The following PPEF2 variants were observed in gnomAD, a reference collection of about 807,000 sequenced individuals.
PPEF2 encodes the protein serine/threonine-protein phosphatase with EF-hands 2.
PPEF2 carries 84 observed loss-of-function variants against 84.7 expected under a neutral mutation model. The observed-to-expected ratio is 0.99, with a 90% CI of 0.83 to 1.19. PPEF2 has a LOEUF of 1.19. PPEF2 is among the 50% of genes most tolerant of loss of function. The pLI, the probability that PPEF2 is intolerant of heterozygous loss-of-function variation, is 0.00. For missense variants in PPEF2, 924 were observed against 937.5 expected (o/e 0.99, Z 0.19); for synonymous variants, 346 against 345.2 (o/e 1.00, Z -0.03).
chr4:75,882,878 T>A, intron 10 of PPEF2, 48 bp downstream of exon 10: 1 of 1,573,310 alleles, frequency 6.4e-7, no homozygotes, highest in Non-Finnish European at 8.7e-7. Context: ...ATATTGGCAA[T>A]GAAACTGGGC....
intron 11 of PPEF2, among the ~76,000 whole-genome samples, chr4:75,875,611 G>A (rs1304215480): frequency 6.6e-6 from 1 of 152,014 alleles, no homozygotes; most frequent in Non-Finnish European, 1.5e-5. Context: ...TTGTCTCAAA[G>A]AAAAACAAAA....
intron 5 of PPEF2, 52 bp from the exon 6 acceptor site, chr4:75,888,380 G>C: frequency 7.2e-7 from 1 of 1,385,946 alleles, no homozygotes; most frequent in Non-Finnish European, 1.0e-6. Flanking sequence ...TATTCGTGAG[G>C]GAAAATGGTC....
intron 10 of PPEF2, 35 bp downstream of exon 10, chr4:75,882,888 CATT>C: frequency 4.4e-6 from 7 of 1,586,976 alleles, no homozygotes; most frequent in Non-Finnish European, 6.0e-6. Context: ...TGAAACTGGG[CATT>C]ATGGTGAAAT....
chr4:75,871,358 C>A (rs1000144067), intron 13 of PPEF2, among the ~76,000 whole-genome samples: 8 of 152,128 alleles, frequency 5.3e-5, no homozygotes, highest in Non-Finnish European at 1.2e-4. Flanking sequence ...AGGGGTAACA[C>A]AAACCCGTTA....
intron 12 of PPEF2, among the ~76,000 whole-genome samples, chr4:75,872,530 G>A (rs1357905325): frequency 1.3e-5 from 2 of 152,188 alleles, no homozygotes; most frequent in Non-Finnish European, 2.9e-5. Flanking sequence ...AGTTCTGAGA[G>A]CTGATGTGGT....
rs143410196 is a variant in PPEF2 at position 75,891,943 on chromosome 4, G to T, written c.91C>A (p.Arg31=). The T allele has an allele frequency of 3.1e-6, 5 of 1,613,936 alleles. No homozygotes were observed. The African/African-American group carries it at 6.7e-5, about 22-fold the overall frequency. ...ATCTCCAGGCGGGCCACGTAGCGCC[G>T]GTACCATCTCTGGATCAGGGCTGCT... ...KAAALIQRWY[R]RYVARLEMRR... is the part of the protein sequence containing the mutation. The change falls in exon 3 of 17, where the codon CGG becomes AGG. Residue 31 remains arginine, a synonymous_variant. Coordinates refer to ENST00000286719, the MANE Select transcript of PPEF2 (RefSeq NM_006239.3).
chr4:75,900,158 G>A (rs1249649673), intron 1 of PPEF2, among the ~76,000 whole-genome samples: 1 of 152,188 alleles, frequency 6.6e-6, no homozygotes, highest in East Asian at 1.9e-4. Flanking sequence ...CTATTTCAAT[G>A]CTGCATGAAT....
Position 75,873,136 on chromosome 4 carries a change from G to A in PPEF2, c.1497C>T (p.His499=). 6.2e-7 allele frequency: 1 copy of A among 1,613,684 alleles called. No individual in the cohort carries two copies. The highest frequency in any genetic ancestry group is 8.5e-7 in the Non-Finnish European group (1 of 1,179,684). ...ECKPEGYEFC[H]NRKVLTIFSA... is the part of the protein sequence containing the mutation. ...CAGAGGGAGCACCCACCTTGCGGTT[G>A]TGACAGAATTCATAGCCTTCAGGTT... The change falls in exon 12 of 17, where the codon CAC becomes CAT. Residue 499 remains histidine, a synonymous_variant. Coordinates refer to ENST00000286719, the MANE Select transcript of PPEF2 (RefSeq NM_006239.3).
At chr4:75,897,132 C>A (rs140971647) in intron 1 of PPEF2, among the ~76,000 whole-genome samples, 1 of 152,040 alleles carries the variant, frequency 6.6e-6, no homozygotes. Flanking sequence ...GGATTACAGG[C>A]GTGAGCCACT....
chr4:75,888,035 G>C (rs1724774561), intron 6 of PPEF2, among the ~76,000 whole-genome samples, 179 bp downstream of exon 6: 2 of 152,296 alleles, frequency 1.3e-5, no homozygotes, highest in South Asian at 2.1e-4. Context: ...CCCCTTCGCT[G>C]CACCACCACC....
At chr4:75,899,884 C>A (rs1309853163) in intron 1 of PPEF2, among the ~76,000 whole-genome samples, 1 of 152,178 alleles carries the variant, frequency 6.6e-6, no homozygotes, top group East Asian at 1.9e-4. Context: ...ACATTGGTAA[C>A]TTGCCTGCAT....
chr4:75,876,855 A>C (rs777977900), intron 10 of PPEF2, among the ~76,000 whole-genome samples, 182 bp from the exon 11 acceptor site: 4 of 151,558 alleles, frequency 2.6e-5, no homozygotes, highest in African/African-American at 4.8e-5. Flanking sequence ...AAAATACAAA[A>C]AAATGAGCTG....
chr4:75,861,203 T>C (rs1335772512), intron 16 of PPEF2, among the ~76,000 whole-genome samples: 1 of 152,128 alleles, frequency 6.6e-6, no homozygotes, highest in Non-Finnish European at 1.5e-5. Context: ...TACTGGCATC[T>C]AATAAATAAA....
Position 75,876,596 on chromosome 4 carries a change from C to T in PPEF2, c.1011G>A (p.Lys337=), listed in dbSNP as rs905345059. The change falls in exon 11 of 17, where the codon AAG becomes AAA. Residue 337 remains lysine, a synonymous_variant. Coordinates refer to ENST00000286719, the MANE Select transcript of PPEF2 (RefSeq NM_006239.3). ...QMEEKRRANQ[K]SSAQGPIPWF... ...ATGGGATGGGTCCCTGTGCAGAGCT[C>T]TTCTGGTTGGCTCTTCTCTTCTCCT... 3 of 1,611,018 alleles carry T rather than the reference C, an allele frequency of 1.9e-6. No individual in the cohort carries two copies. The highest frequency in any genetic ancestry group is 3.4e-5 in the Admixed American group (2 of 59,448).
chr4:75,873,165 A>T lies in PPEF2; in HGVS notation c.1468T>A (p.Cys490Ser), dbSNP rs1201284718. The T allele has an allele frequency of 6.2e-7, 1 of 1,614,172 alleles. No homozygotes were observed. The highest frequency in any genetic ancestry group is 8.5e-7 in the Non-Finnish European group (1 of 1,180,020). The change falls in exon 12 of 17, where the codon TGC becomes AGC. Residue 490 changes from cysteine to serine, a missense_variant. Coordinates refer to ENST00000286719, the MANE Select transcript of PPEF2 (RefSeq NM_006239.3). ...NMQFLIRSHE[C>S]KPEGYEFCHN... ...CAGAATTCATAGCCTTCAGGTTTGC[A>T]TTCATGTGAACGGATCAGGAATTGC... is the stretch of plus-strand genomic sequence containing the variant.
At chr4:75,872,290 T>TTTCC (rs914608456) in intron 12 of PPEF2, 123 bp from the exon 13 acceptor site, 1 of 912,972 alleles carries the variant, frequency 1.1e-6, no homozygotes, top group African/African-American at 1.7e-5. Flanking sequence ...CTGGGAATCC[T>TTTCC]TTTCTTTCTT....
At chr4:75,877,847 C>A (rs1331064617) in intron 10 of PPEF2, among the ~76,000 whole-genome samples, 2 of 152,152 alleles carry the variant, frequency 1.3e-5, no homozygotes, top group South Asian at 4.2e-4. Flanking sequence ...GTTTATAAAA[C>A]CTGGTCCTTC....
intron 11 of PPEF2, 56 bp from the exon 12 acceptor site, chr4:75,873,368 A>G: frequency 6.9e-7 from 1 of 1,446,810 alleles, no homozygotes; most frequent in Non-Finnish European, 9.4e-7. Context: ...ATTCATCCAC[A>G]GTCATTCAAA....
intron 13 of PPEF2, among the ~76,000 whole-genome samples, chr4:75,869,716 C>T (rs760429963): frequency 7.9e-5 from 12 of 152,032 alleles, no homozygotes; most frequent in Non-Finnish European, 1.3e-4. Flanking sequence ...GGCATGATGG[C>T]GCACGCCTGT....
Sources: gnomAD v4.1 joint callset for allele counts (sites outside exome capture counted in the v4.1 genomes callset) on GRCh38, gnomAD v4.1.1 for gene constraint, MANE v1.5 for transcripts, NCBI Gene and HGNC (gene_info 2026-07-23, HGNC 2026-07-21) for gene names.